Variants in NXPE4 observed in about 807,000 individuals in gnomAD.
The protein encoded by NXPE4 is NXPE family member 4.
In NXPE4, 42 loss-of-function variants were observed where a neutral mutation model predicts 33.3. The observed-to-expected ratio is 1.26, with a 90% CI of 0.98 to 1.63. The LOEUF (loss-of-function observed/expected upper bound fraction) is 1.63. Among genes scored for constraint, NXPE4 ranks in the 40% most tolerant of loss-of-function variants. The pLI is 0.00. For synonymous variants in NXPE4, 253 were observed against 234.9 expected (o/e 1.08, Z -0.71); for missense variants, 709 against 647.6 (o/e 1.09, Z -1.03).
chr11:114,639,857 T>C, the NXPE4 span, among the ~76,000 whole-genome samples: 1 of 80,596 alleles, frequency 1.2e-5, no homozygotes, highest in Non-Finnish European at 2.2e-5. Flanking sequence ...ATATAATATA[T>C]ATTATATTTT....
the NXPE4 span, among the ~76,000 whole-genome samples, chr11:114,602,003 T>C: frequency 1.9e-3 from 164 of 86,636 alleles, no homozygotes; most frequent in Middle Eastern, 0.016. Flanking sequence ...ATGTATCTAA[T>C]GTATTATATT....
the NXPE4 span, among the ~76,000 whole-genome samples, chr11:114,671,827 G>A: frequency 6.6e-6 from 1 of 151,990 alleles, no homozygotes. Context: ...AGTGACCACG[G>A]ACAGTAATTT....
chr11:114,651,511 G>C, the NXPE4 span, among the ~76,000 whole-genome samples: 2 of 152,212 alleles, frequency 1.3e-5, no homozygotes, highest in Non-Finnish European at 2.9e-5. Flanking sequence ...GAACAAACCT[G>C]CCACAGCATG....
chr11:114,661,976 G>T, the NXPE4 span, among the ~76,000 whole-genome samples: 3 of 152,252 alleles, frequency 2.0e-5, no homozygotes, highest in Admixed American at 6.5e-5. Flanking sequence ...AGGAGGTGGG[G>T]TAAGATGGCA....
the NXPE4 span, among the ~76,000 whole-genome samples, chr11:114,628,978 G>T: frequency 3.9e-5 from 6 of 152,040 alleles, no homozygotes; most frequent in African/African-American, 1.4e-4. Context: ...CAAGGAAGAA[G>T]TTGAATCTCT....
chr11:114,668,073 T>C, the NXPE4 span, among the ~76,000 whole-genome samples: 1 of 151,712 alleles, frequency 6.6e-6, no homozygotes, highest in African/African-American at 2.4e-5. Context: ...AGAAGGATGT[T>C]CAGGAAGTGT....
rs79582276 is a variant in NXPE4 at position 114,578,772 on chromosome 11, G to A, written c.1099+1360C>T. On this transcript the variant is annotated intron_variant, in intron 5 of 5. Coordinates refer to ENST00000375478, the MANE Select transcript of NXPE4 (RefSeq NM_001077639.2). Reference sequence around the variant, plus strand: ...TGGCTAAGGTCTACTAGCAAATTCTGAGCTATTACTGGTGCGCTCTTGGTT... The same window carrying A: ...TGGCTAAGGTCTACTAGCAAATTCTAAGCTATTACTGGTGCGCTCTTGGTT... 8.5e-5 allele frequency among the ~76,000 whole-genome samples: 13 copies of A among 152,256 alleles called. No individual in the cohort carries two copies. The East Asian group carries it at 2.5e-3, about 29-fold the overall frequency.
the NXPE4 span, among the ~76,000 whole-genome samples, chr11:114,650,907 G>T: frequency 6.6e-6 from 1 of 152,064 alleles, no homozygotes; most frequent in Non-Finnish European, 1.5e-5. Flanking sequence ...TGGTGGAGGG[G>T]CAGCCTGGTA....
rs192555364 is a variant in NXPE4 at position 114,575,772 on chromosome 11, T to C, written c.1100-4299A>G. ...ATAAATATTGTGAAAATGACAGTAC[T>C]GTCAAAAGCAATCTACAAATTCAAT... On this transcript the variant is annotated intron_variant, in intron 5 of 5. Coordinates refer to ENST00000375478, the MANE Select transcript of NXPE4 (RefSeq NM_001077639.2). 8.5e-4 allele frequency among the ~76,000 whole-genome samples: 130 copies of C among 152,230 alleles called. 1 individual carries two copies. The highest frequency in any genetic ancestry group is 2.8e-3 in the African/African-American group (118 of 41,558).
the NXPE4 span, among the ~76,000 whole-genome samples, chr11:114,670,619 G>T: frequency 1.3e-5 from 2 of 152,056 alleles, no homozygotes; most frequent in Non-Finnish European, 1.5e-5. Context: ...TTGAACCCAG[G>T]AGTTCAAAGT....
intron 5 of NXPE4, among the ~76,000 whole-genome samples, chr11:114,577,551 A>G (rs1215098893): frequency 6.6e-6 from 1 of 152,176 alleles, no homozygotes; most frequent in Non-Finnish European, 1.5e-5. Flanking sequence ...CTATTGAAAT[A>G]AAAAACTTAA....
intron 4 of NXPE4, 53 bp from the exon 5 acceptor site, chr11:114,580,391 G>C: frequency 6.6e-7 from 1 of 1,515,738 alleles, no homozygotes; most frequent in Non-Finnish European, 9.1e-7. Context: ...TTACCCGTCA[G>C]TATGTATTAA....
the NXPE4 span, among the ~76,000 whole-genome samples, chr11:114,643,030 T>A: frequency 6.6e-6 from 1 of 152,144 alleles, no homozygotes; most frequent in Non-Finnish European, 1.5e-5. Flanking sequence ...GAGCATTTTT[T>A]AATGTTTGTT....
upstream of NXPE4, among the ~76,000 whole-genome samples, chr11:114,600,009 G>A (rs913211509): frequency 7.9e-5 from 12 of 152,054 alleles, no homozygotes; most frequent in African/African-American, 1.2e-4. Context: ...CCTCACAGAA[G>A]AATTCCAACT....
chr11:114,582,669 C>G lies in NXPE4; in HGVS notation c.449G>C (p.Gly150Ala). ...GAAGTCAGTCACCTTTCCTGAAGCA[C>G]CTGCCATCAGCGCTGGGGAAGACAT... ...ARMSSPALMA[G>A]ASGKVTDFNN... is the part of the protein sequence containing the mutation. The change falls in exon 3 of 6, where the codon GGT (glycine) becomes GCT (alanine). Residue 150 changes from glycine to alanine, a missense_variant. Gly to Ala is a moderately conservative substitution (Grantham distance 60). Coordinates refer to ENST00000375478, the MANE Select transcript of NXPE4 (RefSeq NM_001077639.2). 6.2e-7 allele frequency: 1 copy of G among 1,614,178 alleles called. No individual in the cohort carries two copies. Among genetic ancestry groups the G allele is most frequent in the South Asian group, 1.1e-5 (1 of 91,078 alleles).
chr11:114,657,302 G>A, the NXPE4 span, among the ~76,000 whole-genome samples: 2 of 152,088 alleles, frequency 1.3e-5, no homozygotes, highest in South Asian at 2.1e-4. Flanking sequence ...GGGAGATCTC[G>A]ATATAGAATT....
chr11:114,601,675 AATTATAGAT>A, the NXPE4 span, among the ~76,000 whole-genome samples: 7 of 37,304 alleles, frequency 1.9e-4, 1 homozygote, highest in African/African-American at 9.7e-4. Flanking sequence ...TATATATTAT[AATTATAGAT>A]TATATATATT....
chr11:114,577,062 T>C (rs28890027), intron 5 of NXPE4, among the ~76,000 whole-genome samples: 60 of 101,304 alleles, frequency 5.9e-4, no homozygotes, highest in African/African-American at 2.8e-3. Context: ...TATATACATA[T>C]ATATATATAA....
chr11:114,606,823 A>T, the NXPE4 span, among the ~76,000 whole-genome samples: 207 of 149,992 alleles, frequency 1.4e-3, no homozygotes, highest in Non-Finnish European at 2.4e-3. Flanking sequence ...ACTGTTACCC[A>T]GTCGATAATA....
Sources: allele counts gnomAD v4.1 joint callset (sites outside exome capture counted in the v4.1 genomes callset), GRCh38; gene constraint gnomAD v4.1.1; transcripts MANE v1.5; gene names NCBI Gene and HGNC (gene_info 2026-07-23, HGNC 2026-07-21).